The following CSMD1 variants were observed in gnomAD, a reference collection of about 807,000 sequenced individuals.
CSMD1 encodes CUB and Sushi multiple domains 1.
Under a neutral mutation model 417.5 loss-of-function variants are expected in CSMD1, and 213 were observed. The observed-to-expected ratio is 0.51, with a 90% CI of 0.46 to 0.57. The LOEUF (loss-of-function observed/expected upper bound fraction) is 0.57, where lower values mean the gene tolerates loss of function less well. CSMD1 is among the 20% of genes least tolerant of loss of function. The pLI is 0.00. For synonymous variants in CSMD1, 2,862 were observed against 1,736.8 expected, an observed-to-expected ratio of 1.65 and a Z score of -16.11; for missense variants, 6,923 against 4,529.7, an observed-to-expected ratio of 1.53 and a Z score of -15.17.
rs537525671 is a variant in CSMD1, at chr8:4,728,010, AAT to A, written c.86-90454_86-90453del. On this transcript the variant is annotated intron_variant, in intron 1 of 69. Coordinates refer to ENST00000635120, the MANE Select transcript of CSMD1 (RefSeq NM_033225.6). The stretch of plus-strand genomic sequence containing the variant: ...ATACAAAATATATATTTATATACAA[AAT>A]ATATATATATTTTTTCTATTTTTTT... 1.6e-4 allele frequency among the ~76,000 whole-genome samples: 24 copies of A among 145,952 alleles called. No homozygotes were observed. The South Asian group carries it at 3.8e-3, about 23-fold the overall frequency.
intron 3 of CSMD1, among the ~76,000 whole-genome samples, chr8:4,351,078 G>T (rs1467387551): frequency 1.3e-5 from 2 of 152,052 alleles, no homozygotes; most frequent in African/African-American, 4.8e-5. Flanking sequence ...CAGAACTTCA[G>T]GAGTCTGAAG....
chr8:3,822,763 T>A (rs935032591), intron 5 of CSMD1, among the ~76,000 whole-genome samples: 4 of 152,162 alleles, frequency 2.6e-5, no homozygotes, highest in Admixed American at 2.0e-4. Flanking sequence ...TACAGGTTTG[T>A]TGAGAATAAA....
chr8:3,896,737 T>A (rs571874530), intron 5 of CSMD1, among the ~76,000 whole-genome samples: 1 of 152,044 alleles, frequency 6.6e-6, no homozygotes, highest in Non-Finnish European at 1.5e-5. Context: ...GTCTCGATCC[T>A]GAATATGTTT....
chr8:3,787,874 G>A (rs373260112), intron 5 of CSMD1, among the ~76,000 whole-genome samples: 1 of 152,202 alleles, frequency 6.6e-6, no homozygotes, highest in Non-Finnish European at 1.5e-5. Flanking sequence ...AATAGTATAA[G>A]TATGAGAGAG....
rs1801960423 is a variant in CSMD1, at chr8:4,364,551, GC to G, written c.415+55401del. 1.2e-4 allele frequency among the ~76,000 whole-genome samples: 2 copies of G among 17,180 alleles called. 1 individual carries two copies. Among genetic ancestry groups the G allele is most frequent in the Non-Finnish European group, 1.9e-4 (2 of 10,586 alleles). The allele number at this position is 17,180 out of a possible 152,430, so 11.3% of individuals were successfully genotyped here. Reference sequence around the variant, plus strand: ...TTAAAAAGATAATCAATGGCCGGGCGCGGTGGCTCACGCCTGTAATCCCAGC... The same window carrying G: ...TTAAAAAGATAATCAATGGCCGGGCGGGTGGCTCACGCCTGTAATCCCAGC... On this transcript the variant is annotated intron_variant, in intron 3 of 69. Coordinates refer to ENST00000635120, the MANE Select transcript of CSMD1 (RefSeq NM_033225.6).
intron 5 of CSMD1, among the ~76,000 whole-genome samples, chr8:3,774,222 AC>A (rs1317956316): frequency 6.6e-6 from 1 of 152,026 alleles, no homozygotes; most frequent in Non-Finnish European, 1.5e-5. Context: ...TTATCCAACA[AC>A]TTTTGGCTCA....
At chr8:4,761,905 ATCTATCAATCT>A (rs1812123599) in intron 1 of CSMD1, among the ~76,000 whole-genome samples, 15 of 116,368 alleles carry the variant, frequency 1.3e-4, no homozygotes, top group South Asian at 2.6e-4. Context: ...CTATCTATCT[ATCTATCAATCT>A]ATCTATCTAT....
At chr8:4,471,409 G>C (rs959869802) in intron 2 of CSMD1, among the ~76,000 whole-genome samples, 1 of 152,062 alleles carries the variant, frequency 6.6e-6, no homozygotes, top group South Asian at 2.1e-4. Flanking sequence ...TTCCTATACA[G>C]GTAGATTACC....
At chr8:4,494,587 A>C (rs1410841451) in intron 2 of CSMD1, among the ~76,000 whole-genome samples, 6 of 152,208 alleles carry the variant, frequency 3.9e-5, no homozygotes, top group Non-Finnish European at 7.3e-5. Context: ...CAAGTCAATA[A>C]AACTTCACAA....
chr8:4,684,360 A>G (rs889387700), intron 1 of CSMD1, among the ~76,000 whole-genome samples: 4 of 152,196 alleles, frequency 2.6e-5, no homozygotes, highest in African/African-American at 9.7e-5. Flanking sequence ...TGATTCTCAA[A>G]ATGAACTCTA....
rs184610670 is a variant in CSMD1 at position 3,943,772 on chromosome 8, C to A, written c.818+54131G>T. On this transcript the variant is annotated intron_variant, in intron 5 of 69. Coordinates refer to ENST00000635120, the MANE Select transcript of CSMD1 (RefSeq NM_033225.6). Reference sequence around the variant, plus strand: ...ATCACAAAGAAACAGTTAAATAAACCCAAATTTAGGGACAGCCTGTAAAAT... The same window carrying A: ...ATCACAAAGAAACAGTTAAATAAACACAAATTTAGGGACAGCCTGTAAAAT... 8.7e-3 allele frequency among the ~76,000 whole-genome samples: 1,329 copies of A among 151,988 alleles called. 12 individuals carry two copies. The highest frequency in any genetic ancestry group is 0.013 in the Non-Finnish European group (866 of 67,940).
chr8:3,374,398 T>C (rs35018806), intron 18 of CSMD1, among the ~76,000 whole-genome samples: 44,477 of 152,146 alleles, frequency 0.29, 7,036 homozygotes, highest in South Asian at 0.48. Flanking sequence ...CATAGAACAA[T>C]GAATAAGACA....
In CSMD1 at chr8:4,017,772, G is replaced by C. The variant is rs543726621; in HGVS notation, c.610+14133C>G. On this transcript the variant is annotated intron_variant, in intron 4 of 69. Transcript: ENST00000635120. ...TGCTGAAACTTCCTAAATAAATGAAGAGATGTCCTCTTTGTAATCTGCATT... is the reference window on the plus strand; with the variant it reads ...TGCTGAAACTTCCTAAATAAATGAACAGATGTCCTCTTTGTAATCTGCATT... Among the ~76,000 whole-genome samples the C allele has an allele frequency of 2.6e-5, 4 of 152,160 alleles. No individual in the cohort carries two copies. The South Asian group carries it at 8.3e-4, about 32-fold the overall frequency.
intron 2 of CSMD1, among the ~76,000 whole-genome samples, chr8:4,431,259 T>TA (rs555421715): frequency 7.2e-5 from 11 of 152,204 alleles, no homozygotes; most frequent in Non-Finnish European, 1.6e-4. Context: ...TCAAAGATGT[T>TA]AAATAATAAT....
Position 4,007,152 on chromosome 8 carries a change from T to G in CSMD1, c.611-9042A>C, listed in dbSNP as rs191252587. 1.5e-3 allele frequency among the ~76,000 whole-genome samples: 222 copies of G among 152,252 alleles called. 1 individual carries two copies. Among genetic ancestry groups the G allele is most frequent in the African/African-American group, 5.2e-3 (214 of 41,542 alleles). On this transcript the variant is annotated intron_variant, in intron 4 of 69. Transcript: ENST00000635120. ...CGAGCCTGGCCACGACTTTTACTATTTCTCAGTGAAATCAAGCACTGATGC... is the reference window on the plus strand; with the variant it reads ...CGAGCCTGGCCACGACTTTTACTATGTCTCAGTGAAATCAAGCACTGATGC...
intron 5 of CSMD1, among the ~76,000 whole-genome samples, chr8:3,778,908 G>C (rs1051569578): frequency 6.6e-6 from 1 of 152,120 alleles, no homozygotes; most frequent in Non-Finnish European, 1.5e-5. Flanking sequence ...AGGAGTTCCC[G>C]GATCAACAAC....
At chr8:4,905,819 C>CAAAAA (rs147276107) in intron 1 of CSMD1, among the ~76,000 whole-genome samples, 12 of 94,330 alleles carry the variant, frequency 1.3e-4, no homozygotes, top group East Asian at 3.7e-4. Context: ...GACTCCATCT[C>CAAAAA]AAAAAAAAAA....
At chr8:4,736,365 A>C (rs1810234219) in intron 1 of CSMD1, among the ~76,000 whole-genome samples, 1 of 152,172 alleles carries the variant, frequency 6.6e-6, no homozygotes, top group South Asian at 2.1e-4. Context: ...CAATGGTTGG[A>C]GGTGCCAAGA....
intron 3 of CSMD1, among the ~76,000 whole-genome samples, chr8:4,114,252 G>A (rs369141718): frequency 1.3e-5 from 2 of 152,238 alleles, no homozygotes; most frequent in African/African-American, 4.8e-5. Flanking sequence ...AAAATCCTAG[G>A]GCTCTTAAGA....
Sources: allele counts gnomAD v4.1 joint callset (sites outside exome capture counted in the v4.1 genomes callset), GRCh38; gene constraint gnomAD v4.1.1; transcripts MANE v1.5; gene names NCBI Gene and HGNC (gene_info 2026-07-23, HGNC 2026-07-21).